Variants in TINAG observed in about 807,000 individuals in gnomAD.
TINAG encodes the protein tubulointerstitial nephritis antigen.
Under a neutral mutation model 72.7 loss-of-function variants are expected in TINAG, and 83 were observed. The observed-to-expected ratio is 1.14, with a 90% CI of 0.96 to 1.37. TINAG has a LOEUF of 1.37. Among genes scored for constraint, TINAG ranks in the 40% most tolerant of loss-of-function variants. The pLI is 0.00. For synonymous variants in TINAG, 234 were observed against 189.9 expected (o/e 1.23, Z -1.91); for missense variants, 685 against 576.6 (o/e 1.19, Z -1.93).
At chr6:54,319,350 T>A (rs1167602199) in intron 1 of TINAG, among the ~76,000 whole-genome samples, 1 of 152,184 alleles carries the variant, frequency 6.6e-6, no homozygotes, top group Non-Finnish European at 1.5e-5. Context: ...GAGTCTAATC[T>A]TATGTAGCAA....
At chr6:54,367,644 C>T (rs1182368738) in intron 9 of TINAG, among the ~76,000 whole-genome samples, 1 of 151,770 alleles carries the variant, frequency 6.6e-6, no homozygotes, top group Non-Finnish European at 1.5e-5. Context: ...TGAGCATCCT[C>T]TACTGTGAAC....
At chr6:54,320,524 A>G in intron 1 of TINAG, 55 bp from the exon 2 acceptor site, 1 of 1,375,982 alleles carries the variant, frequency 7.3e-7, no homozygotes, top group South Asian at 1.3e-5. Flanking sequence ...TTTTATGTTA[A>G]TGCACTTTAT....
At chr6:54,370,774 AT>A (rs933007294) in intron 9 of TINAG, among the ~76,000 whole-genome samples, 19 of 151,550 alleles carry the variant, frequency 1.3e-4, no homozygotes, top group African/African-American at 2.2e-4. Context: ...GATGGGCTTT[AT>A]TTTTTTTCTG....
chr6:54,308,065 C>A, upstream of TINAG: 1 of 1,549,938 alleles, frequency 6.5e-7, no homozygotes, highest in Non-Finnish European at 8.7e-7. Flanking sequence ...CAGGCAACCT[C>A]ATGAGAGCCT....
chr6:54,320,718 A>G, intron 2 of TINAG, 76 bp downstream of exon 2: 2 of 1,207,840 alleles, frequency 1.7e-6, no homozygotes, highest in Non-Finnish European at 2.4e-6. Context: ...AATATTTGTG[A>G]ACCAAAGTAT....
At chr6:54,387,427 C>T (rs1031755424) in intron 10 of TINAG, among the ~76,000 whole-genome samples, 7 of 151,980 alleles carry the variant, frequency 4.6e-5, no homozygotes, top group Admixed American at 3.9e-4. Flanking sequence ...CTTACATATG[C>T]CAAACATAGA....
intron 3 of TINAG, among the ~76,000 whole-genome samples, chr6:54,322,321 AAAAC>A (rs901646275): frequency 3.4e-5 from 5 of 146,988 alleles, no homozygotes; most frequent in African/African-American, 1.1e-4. Flanking sequence ...AAAACAAAAC[AAAAC>A]AAACAAACAA....
At chr6:54,314,394 C>T in intron 1 of TINAG, among the ~76,000 whole-genome samples, 1 of 152,112 alleles carries the variant, frequency 6.6e-6, no homozygotes, top group East Asian at 1.9e-4. Context: ...AGAGTTTCCA[C>T]ATTTTGAGAA....
At chr6:54,381,093 C>T (rs1291986820) in intron 10 of TINAG, among the ~76,000 whole-genome samples, 4 of 146,476 alleles carry the variant, frequency 2.7e-5, no homozygotes, top group Admixed American at 6.8e-5. Flanking sequence ...AGGATATAAC[C>T]GATAGGATAT....
chr6:54,343,562 T>A (rs1046348668), intron 5 of TINAG, among the ~76,000 whole-genome samples: 1 of 151,804 alleles, frequency 6.6e-6, no homozygotes, highest in Non-Finnish European at 1.5e-5. Context: ...GGGTGAAATT[T>A]TAAATAGAGA....
chr6:54,353,987 A>G (rs994213121), intron 8 of TINAG, among the ~76,000 whole-genome samples: 1 of 151,892 alleles, frequency 6.6e-6, no homozygotes, highest in East Asian at 1.9e-4. Context: ...AACATTGCTT[A>G]TCTCTCCAGA....
chr6:54,321,523 A>G (rs1784490659), intron 3 of TINAG, 137 bp downstream of exon 3: 2 of 633,552 alleles, frequency 3.2e-6, no homozygotes, highest in Non-Finnish European at 5.5e-6. Context: ...GATAGAAAGC[A>G]TGTAAACCTG....
intron 5 of TINAG, among the ~76,000 whole-genome samples, chr6:54,346,451 C>T (rs913919424): frequency 1.3e-5 from 2 of 151,354 alleles, no homozygotes; most frequent in Non-Finnish European, 3.0e-5. Flanking sequence ...TATTAGTTAA[C>T]AATATGATAG....
At position 54,370,726 on chromosome 6, in the gene TINAG, T is replaced by C. The variant is rs184181331; in HGVS notation, c.1251-9800T>C. Among the ~76,000 whole-genome samples, 439 of 151,914 alleles carry C rather than the reference T, an allele frequency of 2.9e-3. 1 individual carries two copies. The highest frequency in any genetic ancestry group is 9.9e-3 in the African/African-American group (409 of 41,468). ...TGAGCTGAACTCACTGTCGGAAGAG[T>C]AGAGGTGCAGAGGGCCCTGGGGATG... is the stretch of plus-strand genomic sequence containing the variant. On this transcript the variant is annotated intron_variant, in intron 9 of 10. Transcript: ENST00000259782.
chr6:54,371,981 G>GTTTTTTTTTTTTTGTTTTTTTTTTTTT (rs1763624949), intron 9 of TINAG, among the ~76,000 whole-genome samples: 1 of 71,420 alleles, frequency 1.4e-5, no homozygotes. Context: ...TTCAAGTCAT[G>GTTTTTTTTTTTTTGTTTTTTTTTTTTT]TTTTTTTTTT....
Position 54,308,816 on chromosome 6 carries a change from G to C in TINAG, c.266G>C (p.Arg89Thr). The C allele has an allele frequency of 3.1e-6, 5 of 1,613,524 alleles. No individual in the cohort carries two copies. Among genetic ancestry groups the C allele is most frequent in the Non-Finnish European group, 4.2e-6 (5 of 1,179,730 alleles). Residue 89 changes from arginine (R) to threonine (T), a missense_variant, in exon 1 of 11, where the codon AGA (arginine) becomes ACA (threonine). Coordinates refer to ENST00000259782, the MANE Select transcript of TINAG (RefSeq NM_014464.4). ...TGCTACTGTGATAAATTCTGTGACA[G>C]AGAAAATTCTGATTGCTGTCCTGAC... ...ALCYCDKFCD[R>T]ENSDCCPDYK...
At chr6:54,383,314 C>T (rs1255649428) in intron 10 of TINAG, among the ~76,000 whole-genome samples, 3 of 151,976 alleles carry the variant, frequency 2.0e-5, no homozygotes, top group Non-Finnish European at 4.4e-5. Context: ...TATTTCTGCA[C>T]AATTATATAT....
intron 10 of TINAG, among the ~76,000 whole-genome samples, chr6:54,385,091 G>T (rs1764061050): frequency 6.6e-6 from 1 of 151,850 alleles, no homozygotes; most frequent in East Asian, 1.9e-4. Flanking sequence ...ATTTTTAAAA[G>T]GTTGAAAAGA....
chr6:54,341,789 G>A (rs139765941), intron 4 of TINAG, among the ~76,000 whole-genome samples: 2 of 151,984 alleles, frequency 1.3e-5, no homozygotes, highest in Non-Finnish European at 2.9e-5. Context: ...CGGCAAATTA[G>A]CCATATATTT....
Sources: allele counts gnomAD v4.1 joint callset (sites outside exome capture counted in the v4.1 genomes callset), GRCh38; gene constraint gnomAD v4.1.1; transcripts MANE v1.5; gene names NCBI Gene and HGNC (gene_info 2026-07-23, HGNC 2026-07-21).